Variants in DCC observed in about 807,000 individuals in gnomAD.
DCC encodes the protein netrin receptor DCC.
A neutral mutation model predicts 172.5 loss-of-function variants in DCC; 58 were observed. The observed-to-expected ratio is 0.34, with a 90% CI of 0.27 to 0.42. The LOEUF (loss-of-function observed/expected upper bound fraction) is 0.42. Ranked by LOEUF, DCC falls within the 10% of genes least tolerant of loss-of-function variation. DCC has a pLI of 1.00. For missense variants in DCC, 1,740 were observed against 1,791.0 expected (o/e 0.97, Z 0.51); for synonymous variants, 709 against 644.5 (o/e 1.10, Z -1.52).
chr18:53,434,646 C>T (rs1222256679), intron 21 of DCC, among the ~76,000 whole-genome samples: 2 of 152,126 alleles, frequency 1.3e-5, no homozygotes, highest in Non-Finnish European at 2.9e-5. Context: ...ATTTCATTTC[C>T]AGGTACTGTA....
At chr18:53,137,865 G>T (rs1321704230) in intron 7 of DCC, among the ~76,000 whole-genome samples, 4 of 152,012 alleles carry the variant, frequency 2.6e-5, no homozygotes, top group Non-Finnish European at 4.4e-5. Flanking sequence ...ACCTAGGATG[G>T]AGTGCAGTGG....
intron 15 of DCC, among the ~76,000 whole-genome samples, chr18:53,378,836 A>G (rs1394466): frequency 0.46 from 69,643 of 152,000 alleles, 16,911 homozygotes; most frequent in Non-Finnish European, 0.54. Context: ...CTGATAAATG[A>G]GAAAACATGT....
chr18:52,549,520 G>C (rs1049219778), intron 1 of DCC, among the ~76,000 whole-genome samples: 1 of 152,000 alleles, frequency 6.6e-6, no homozygotes, highest in Non-Finnish European at 1.5e-5. Flanking sequence ...CTAATGACTT[G>C]TCCTCCACAC....
intron 21 of DCC, among the ~76,000 whole-genome samples, chr18:53,431,616 C>A (rs1911623754): frequency 6.6e-6 from 1 of 151,978 alleles, no homozygotes; most frequent in Non-Finnish European, 1.5e-5. Context: ...TCCAGAGTAG[C>A]TGGGACTACA....
At chr18:53,188,270 A>T (rs2055315029) in intron 9 of DCC, among the ~76,000 whole-genome samples, 1 of 152,230 alleles carries the variant, frequency 6.6e-6, no homozygotes, top group South Asian at 2.1e-4. Context: ...CTATGTCTAG[A>T]TTCCTAAGTA....
chr18:53,351,245 A>G (rs2057788335), intron 15 of DCC, among the ~76,000 whole-genome samples: 1 of 138,706 alleles, frequency 7.2e-6, no homozygotes, highest in South Asian at 2.3e-4. Flanking sequence ...CTAGTATTGT[A>G]TATTAGCATT....
At chr18:53,255,211 T>C (rs761775440) in intron 12 of DCC, among the ~76,000 whole-genome samples, 15 of 150,436 alleles carry the variant, frequency 1.0e-4, no homozygotes, top group South Asian at 8.5e-4. Context: ...AGGTTTTTTG[T>C]TTTTTTTTCT....
At chr18:53,013,074 G>A (rs1248042691) in intron 5 of DCC, among the ~76,000 whole-genome samples, 1 of 152,164 alleles carries the variant, frequency 6.6e-6, no homozygotes, top group East Asian at 1.9e-4. Context: ...GTAAATAACA[G>A]ATGCTGGCAA....
chr18:52,850,251 C>T (rs908027703), intron 2 of DCC, among the ~76,000 whole-genome samples: 1 of 152,114 alleles, frequency 6.6e-6, no homozygotes, highest in Non-Finnish European at 1.5e-5. Context: ...CCCAGTTCTT[C>T]GGAAGTAAAG....
chr18:52,943,738 G>GTT (rs57468587), intron 5 of DCC, among the ~76,000 whole-genome samples: 86 of 81,498 alleles, frequency 1.1e-3, no homozygotes, highest in Admixed American at 4.5e-3. Context: ...GCAATTTATG[G>GTT]TTTTTTTTTT....
intron 1 of DCC, among the ~76,000 whole-genome samples, chr18:52,649,869 G>A (rs1201379300): frequency 2.0e-5 from 3 of 151,968 alleles, no homozygotes; most frequent in Admixed American, 6.6e-5. Flanking sequence ...ACTGTGAAGA[G>A]TACTGCTTTA....
intron 5 of DCC, among the ~76,000 whole-genome samples, chr18:53,017,334 T>C (rs542868581): frequency 2.6e-5 from 4 of 152,278 alleles, no homozygotes; most frequent in African/African-American, 9.6e-5. Flanking sequence ...CCAGTAAAAA[T>C]TAAAATTAAT....
chr18:52,487,214 C>T (rs2030270240), intron 1 of DCC, among the ~76,000 whole-genome samples: 1 of 152,046 alleles, frequency 6.6e-6, no homozygotes, highest in Admixed American at 6.6e-5. Context: ...ACTGTGGCAA[C>T]AATCAATAGT....
At chr18:52,505,179 G>A (rs1457120446) in intron 1 of DCC, among the ~76,000 whole-genome samples, 1 of 151,144 alleles carries the variant, frequency 6.6e-6, no homozygotes, top group Non-Finnish European at 1.5e-5. Context: ...GCAAACAGTT[G>A]GTTTCTGTCT....
intron 1 of DCC, among the ~76,000 whole-genome samples, chr18:52,695,707 A>G (rs943888557): frequency 6.6e-6 from 1 of 152,154 alleles, no homozygotes; most frequent in African/African-American, 2.4e-5. Context: ...AGTATTTTGA[A>G]CGTGGGTAGA....
intron 1 of DCC, among the ~76,000 whole-genome samples, chr18:52,666,111 A>T (rs12968812): frequency 0.041 from 6,210 of 152,124 alleles, 159 homozygotes; most frequent in Middle Eastern, 0.14. Flanking sequence ...ACACGGTGAA[A>T]CCCTGTCTCT....
chr18:53,405,771 T>C (rs1909618066), intron 19 of DCC, among the ~76,000 whole-genome samples: 1 of 152,212 alleles, frequency 6.6e-6, no homozygotes, highest in Non-Finnish European at 1.5e-5. Context: ...ATCTTTAGTA[T>C]GATATAAATG....
At chr18:52,508,506 C>A (rs2031318279) in intron 1 of DCC, among the ~76,000 whole-genome samples, 1 of 152,038 alleles carries the variant, frequency 6.6e-6, no homozygotes, top group African/African-American at 2.4e-5. Flanking sequence ...TATCACTGAG[C>A]CACATAAAAG....
chr18:52,930,624 T>G (rs1415583020), intron 5 of DCC, among the ~76,000 whole-genome samples: 1 of 152,164 alleles, frequency 6.6e-6, no homozygotes, highest in Non-Finnish European at 1.5e-5. Flanking sequence ...TCCTTGTAAG[T>G]ATTTATATTC....
Sources: allele counts gnomAD v4.1 joint callset (sites outside exome capture counted in the v4.1 genomes callset), GRCh38; gene constraint gnomAD v4.1.1; transcripts MANE v1.5; gene names NCBI Gene and HGNC (gene_info 2026-07-23, HGNC 2026-07-21).